Variants in PRKCE observed in about 807,000 individuals in gnomAD.
PRKCE encodes the protein protein kinase C epsilon, also known as protein kinase C epsilon type.
In PRKCE, 16 loss-of-function variants were observed where a neutral mutation model predicts 85.4. The ratio of observed to expected loss-of-function variants is 0.19; its 90% CI spans 0.13 to 0.28. The LOEUF (loss-of-function observed/expected upper bound fraction) is 0.28, where lower values mean the gene tolerates loss of function less well. Among genes scored for constraint, PRKCE ranks in the 10% least tolerant of loss-of-function variants. PRKCE has a pLI of 1.00. For missense variants in PRKCE, 573 were observed against 975.2 expected (o/e 0.59, Z 5.49); for synonymous variants, 388 against 371.5 (o/e 1.04, Z -0.51).
chr2:45,704,052 A>AT (rs1432784908), intron 1 of PRKCE, among the ~76,000 whole-genome samples: 1 of 152,222 alleles, frequency 6.6e-6, no homozygotes, highest in Non-Finnish European at 1.5e-5. Context: ...TTCATTGAGC[A>AT]TTTACTTAGT....
At chr2:46,000,639 G>C (rs546033537) in intron 6 of PRKCE, among the ~76,000 whole-genome samples, 33 of 151,598 alleles carry the variant, frequency 2.2e-4, no homozygotes, top group South Asian at 4.2e-4. Context: ...ATCTAGTTGA[G>C]CTCCTGAAGA....
intron 2 of PRKCE, among the ~76,000 whole-genome samples, chr2:45,950,308 G>A (rs1700535989): frequency 6.6e-6 from 1 of 152,208 alleles, no homozygotes; most frequent in African/African-American, 2.4e-5. Context: ...AGTAAAAACA[G>A]ATCACTGCTT....
At chr2:45,870,819 T>C (rs1694034689) in intron 2 of PRKCE, among the ~76,000 whole-genome samples, 1 of 152,208 alleles carries the variant, frequency 6.6e-6, no homozygotes, top group Non-Finnish European at 1.5e-5. Flanking sequence ...CCTTCGCTTG[T>C]AGTGGTCAAA....
intron 14 of PRKCE, among the ~76,000 whole-genome samples, chr2:46,160,848 A>G (rs1455914623): frequency 6.6e-6 from 1 of 152,198 alleles, no homozygotes; most frequent in East Asian, 1.9e-4. Flanking sequence ...GAAATCTTCC[A>G]CGGTGGGAGT....
intron 11 of PRKCE, among the ~76,000 whole-genome samples, chr2:46,097,100 C>T (rs567118634): frequency 6.6e-5 from 10 of 152,224 alleles, no homozygotes; most frequent in African/African-American, 2.4e-4. Context: ...CCAGATCTCA[C>T]AACCAGGTGA....
intron 6 of PRKCE, among the ~76,000 whole-genome samples, chr2:45,995,300 G>C (rs894741665): frequency 8.6e-5 from 13 of 151,938 alleles, no homozygotes; most frequent in African/African-American, 2.9e-4. Flanking sequence ...TTGTTTGTTT[G>C]TTTTAGTTTG....
chr2:45,930,778 G>A (rs1239757966), intron 2 of PRKCE, among the ~76,000 whole-genome samples: 2 of 152,226 alleles, frequency 1.3e-5, no homozygotes, highest in African/African-American at 2.4e-5. Flanking sequence ...AAGGCTTGAT[G>A]TGCAGTCCCC....
intron 1 of PRKCE, among the ~76,000 whole-genome samples, chr2:45,711,827 G>A (rs561677734): frequency 6.6e-6 from 1 of 152,172 alleles, no homozygotes; most frequent in African/African-American, 2.4e-5. Context: ...GTTTCACTAT[G>A]TCGGTCAGGA....
At chr2:45,797,098 G>C (rs964125428) in intron 1 of PRKCE, among the ~76,000 whole-genome samples, 1 of 152,200 alleles carries the variant, frequency 6.6e-6, no homozygotes, top group African/African-American at 2.4e-5. Context: ...AATAATGCTT[G>C]CTGTCTAGCG....
chr2:45,946,216 G>C (rs757995410), intron 2 of PRKCE, among the ~76,000 whole-genome samples: 3 of 152,228 alleles, frequency 2.0e-5, no homozygotes, highest in Non-Finnish European at 4.4e-5. Context: ...GAGACCACAG[G>C]ACTCTTGATA....
intron 1 of PRKCE, among the ~76,000 whole-genome samples, chr2:45,811,279 C>T (rs760359992): frequency 6.6e-6 from 1 of 152,148 alleles, no homozygotes; most frequent in African/African-American, 2.4e-5. Context: ...TGTGGTATGT[C>T]CATGCAATGG....
At chr2:45,976,326 C>A in intron 2 of PRKCE, 103 bp from the exon 3 acceptor site, 1 of 1,380,098 alleles carries the variant, frequency 7.2e-7, no homozygotes, top group Non-Finnish European at 9.9e-7. Flanking sequence ...TCACCCACCC[C>A]AGCTCCACTC....
rs76598115 is a variant in PRKCE, at chr2:46,023,674, G to A, written c.1437+13157G>A. The stretch of plus-strand genomic sequence containing the variant: ...TTTGTCTCCTTCCTGTCACTGAGGA[G>A]GAGGTCACAAATTGGGGCTGGCTTC... On this transcript the variant is annotated intron_variant, in intron 10 of 14. Coordinates refer to ENST00000306156, the MANE Select transcript of PRKCE (RefSeq NM_005400.3). 2.8e-3 allele frequency among the ~76,000 whole-genome samples: 426 copies of A among 152,310 alleles called. 7 individuals carry two copies. The highest frequency in any genetic ancestry group is 0.024 in the East Asian group (125 of 5,180).
intron 2 of PRKCE, among the ~76,000 whole-genome samples, chr2:45,952,791 A>T (rs150052816): frequency 6.6e-6 from 1 of 152,360 alleles, no homozygotes; most frequent in East Asian, 1.9e-4. Context: ...AAAAAGTAGG[A>T]ACACTGAATG....
At chr2:45,835,531 A>G (rs1027365517) in intron 1 of PRKCE, among the ~76,000 whole-genome samples, 6 of 151,056 alleles carry the variant, frequency 4.0e-5, no homozygotes, top group African/African-American at 1.5e-4. Flanking sequence ...GCTATGGTAT[A>G]TACTCTTTAA....
intron 10 of PRKCE, among the ~76,000 whole-genome samples, chr2:46,066,665 C>T (rs1037362879): frequency 2.0e-5 from 3 of 152,154 alleles, no homozygotes; most frequent in African/African-American, 7.2e-5. Context: ...AGAAGTTTCT[C>T]GCTGTGCTCT....
At chr2:45,794,786 A>T (rs1687289257) in intron 1 of PRKCE, among the ~76,000 whole-genome samples, 1 of 151,890 alleles carries the variant, frequency 6.6e-6, no homozygotes, top group South Asian at 2.1e-4. Context: ...CATCAAAATG[A>T]TAGACATCCT....
chr2:45,859,457 T>C (rs1261576653), intron 2 of PRKCE, among the ~76,000 whole-genome samples: 2 of 152,224 alleles, frequency 1.3e-5, no homozygotes, highest in African/African-American at 4.8e-5. Context: ...CAATATCCAA[T>C]TGTTTTTTAT....
chr2:45,757,888 T>C (rs1454876662), intron 1 of PRKCE, among the ~76,000 whole-genome samples: 1 of 151,820 alleles, frequency 6.6e-6, no homozygotes, highest in Admixed American at 6.6e-5. Context: ...TTGACGGAGG[T>C]TGATGCTGGC....
Sources: allele counts gnomAD v4.1 joint callset (sites outside exome capture counted in the v4.1 genomes callset), GRCh38; gene constraint gnomAD v4.1.1; transcripts MANE v1.5; gene names NCBI Gene and HGNC (gene_info 2026-07-23, HGNC 2026-07-21).